WNT8A: variants seen among roughly 807,000 people sequenced by gnomAD.
WNT8A encodes protein Wnt-8a.
In WNT8A, 14 loss-of-function variants were observed where a neutral mutation model predicts 20.5. The observed-to-expected ratio is 0.68, with a 90% CI of 0.45 to 1.07. The LOEUF is 1.07. Ranked by LOEUF, WNT8A falls within the 50% of genes least tolerant of loss-of-function variation. WNT8A has a pLI of 0.00. For missense variants in WNT8A, 397 were observed against 462.9 expected (o/e 0.86, Z 1.31); for synonymous variants, 167 against 169.2 (o/e 0.99, Z 0.10).
chr5:138,079,687 T>C (rs1750453533), upstream of WNT8A, among the ~76,000 whole-genome samples: 1 of 152,228 alleles, frequency 6.6e-6, no homozygotes, highest in Admixed American at 6.5e-5. Flanking sequence ...CAGGCTCATC[T>C]GTCCCTACCA....
At chr5:138,081,448 T>A (rs1750510029), upstream of WNT8A, among the ~76,000 whole-genome samples, 1 of 151,928 alleles carries the variant, frequency 6.6e-6, no homozygotes, top group African/African-American at 2.4e-5. Flanking sequence ...CTAAAACTCT[T>A]TCGAGGTGGC....
At chr5:138,090,104 C>T (rs1032623088) in intron 4 of WNT8A, among the ~76,000 whole-genome samples, 1 of 152,216 alleles carries the variant, frequency 6.6e-6, no homozygotes, top group Non-Finnish European at 1.5e-5. Flanking sequence ...TCATGCCCAG[C>T]CTCAAGACAG....
rs781405898 is a variant in WNT8A at position 138,090,875 on chromosome 5, G to A, written c.912G>A (p.Glu304=). Residue 304 remains glutamate, a synonymous_variant, in exon 5 of 5, where the codon GAG becomes GAA. Coordinates refer to ENST00000506684, the MANE Select transcript of WNT8A (RefSeq NM_001300939.2). The part of the protein sequence containing the change: ...LQNSHNTSRW[E]RRSCGRLCTE... ...ACAGCCACAACACATCCAGGTGGGA[G>A]CGACGTAGCTGTGGGCGCCTGTGCA... 5.6e-6 allele frequency: 9 copies of A among 1,614,234 alleles called. No homozygotes were observed. The highest frequency in any genetic ancestry group is 6.8e-6 in the Non-Finnish European group (8 of 1,180,040).
At chr5:138,091,828 AAAATAAATAAATAAAT>A (rs200860443), downstream of WNT8A, among the ~76,000 whole-genome samples, 499 of 134,976 alleles carry the variant, frequency 3.7e-3, 4 homozygotes, top group African/African-American at 0.012. Flanking sequence ...CCCTGACTAA[AAAATAAATAAATAAAT>A]AAATAAATAA....
upstream of WNT8A, among the ~76,000 whole-genome samples, chr5:138,080,319 CAA>C (rs1213283315): frequency 3.1e-5 from 2 of 65,550 alleles, no homozygotes; most frequent in Non-Finnish European, 6.5e-5. Context: ...GACTCCTTCT[CAA>C]AAAAAAAAAA....
rs747397964 is a variant in WNT8A at position 138,084,226 on chromosome 5, C to T, written c.99C>T (p.Cys33=). 4.5e-5 allele frequency: 73 copies of T among 1,614,084 alleles called. No individual in the cohort carries two copies. Among genetic ancestry groups the T allele is most frequent in the Non-Finnish European group, 5.8e-5 (69 of 1,180,050 alleles). ...GPHCLIPIHL[C]LTFSLFGRSV... is the part of the protein sequence containing the mutation. ...ATTGTCTCATCCCCATTCACCTCTG[C>T]CTCACTTTTTCTCTTTTTGGTAGGT... is the stretch of plus-strand genomic sequence containing the variant. The change falls in exon 1 of 5, where the codon TGC becomes TGT. Residue 33 remains cysteine (C), a synonymous_variant. Coordinates refer to ENST00000506684, the MANE Select transcript of WNT8A (RefSeq NM_001300939.2).
At chr5:138,083,945 T>G (rs1257934204), upstream of WNT8A, 8 of 789,116 alleles carry the variant, frequency 1.0e-5, no homozygotes, top group Non-Finnish European at 1.3e-5. Flanking sequence ...GCCCTGCCAG[T>G]TAGGAACAAA....
chr5:138,084,560 G>A lies in WNT8A; in HGVS notation c.219G>A (p.Lys73=). 1 of 1,613,912 alleles carries A rather than the reference G, an allele frequency of 6.2e-7. No individual in the cohort carries two copies. Among genetic ancestry groups the A allele is most frequent in the African/African-American group, 1.3e-5 (1 of 75,032 alleles). Residue 73 remains lysine, a synonymous_variant, in exon 2 of 5, where the codon AAG becomes AAA. Transcript: ENST00000506684. ...LGAQSGIEEC[K]FQFAWERWNC... is the part of the protein sequence containing the mutation. ...CCCAGAGTGGCATCGAGGAGTGCAAGTTCCAGTTTGCTTGGGAACGCTGGA... is the reference window on the plus strand; with the variant it reads ...CCCAGAGTGGCATCGAGGAGTGCAAATTCCAGTTTGCTTGGGAACGCTGGA...
chr5:138,086,407 A>G (rs1046619487), intron 2 of WNT8A, among the ~76,000 whole-genome samples: 1 of 151,642 alleles, frequency 6.6e-6, no homozygotes. Flanking sequence ...TTGTAGAGAC[A>G]GGGTTTCGTC....
upstream of WNT8A, among the ~76,000 whole-genome samples, chr5:138,081,119 G>T (rs1433949888): frequency 1.3e-5 from 2 of 151,732 alleles, no homozygotes; most frequent in South Asian, 2.1e-4. Flanking sequence ...CCAGCTACTC[G>T]GGAGGCTGAG....
At chr5:138,083,204 C>T (rs772711801), upstream of WNT8A, among the ~76,000 whole-genome samples, 1 of 151,554 alleles carries the variant, frequency 6.6e-6, no homozygotes, top group Non-Finnish European at 1.5e-5. Context: ...TCACTTGAAC[C>T]CAGGAGGCAG....
intron 2 of WNT8A, among the ~76,000 whole-genome samples, chr5:138,085,957 G>C (rs1210251996): frequency 6.6e-6 from 1 of 151,592 alleles, no homozygotes; most frequent in Non-Finnish European, 1.5e-5. Flanking sequence ...GACAATGTTT[G>C]TAAAGAGTTT....
chr5:138,079,673 GTCACAGGC>G (rs1750452920), upstream of WNT8A, among the ~76,000 whole-genome samples: 1 of 152,076 alleles, frequency 6.6e-6, no homozygotes, highest in Non-Finnish European at 1.5e-5. Flanking sequence ...AATCTATCTT[GTCACAGGC>G]TCATCTGTCC....
In WNT8A at chr5:138,084,133, G is replaced by A; in HGVS notation, c.6G>A (p.Leu2=). M[L]CCIQCLCLVS... is the part of the protein sequence containing the mutation. ...CTCTGGGCAGCTCTGGGCATATGCT[G>A]TGCTGCATTCAGTGCCTCTGCCTGG... The change falls in exon 1 of 5, where the codon CTG becomes CTA. Residue 2 remains leucine, a synonymous_variant. Coordinates refer to ENST00000506684, the MANE Select transcript of WNT8A (RefSeq NM_001300939.2). 1.2e-6 allele frequency: 2 copies of A among 1,614,184 alleles called. No individual in the cohort carries two copies. The highest frequency in any genetic ancestry group is 2.2e-5 in the South Asian group (2 of 91,088).
chr5:138,085,912 A>G (rs1369116796), intron 2 of WNT8A, among the ~76,000 whole-genome samples: 4 of 151,888 alleles, frequency 2.6e-5, no homozygotes, highest in African/African-American at 4.8e-5. Flanking sequence ...CATGGGGTAT[A>G]CAGATAGAAT....
At chr5:138,082,449 C>T (rs561217845), upstream of WNT8A, among the ~76,000 whole-genome samples, 1 of 152,274 alleles carries the variant, frequency 6.6e-6, no homozygotes, top group African/African-American at 2.4e-5. Flanking sequence ...CATGGTGGCA[C>T]ATGCCTGTAA....
chr5:138,087,665 A>G (rs1750711803), intron 2 of WNT8A, 141 bp from the exon 3 acceptor site: 2 of 862,700 alleles, frequency 2.3e-6, no homozygotes, highest in Non-Finnish European at 3.3e-6. Context: ...AAAAAAAAAA[A>G]AAAAAAAAAG....
chr5:138,090,718 A>C lies in WNT8A; in HGVS notation c.755A>C (p.His252Pro). Residue 252 changes from histidine (H) to proline (P), a missense_variant, in exon 5 of 5, where the codon CAC becomes CCC. Transcript: ENST00000506684. The part of the protein sequence containing the change: ...QLRAGNSAEG[H>P]WVPAEAFLPS... ...AGAGCTGGGAACAGCGCCGAGGGCC[A>C]CTGGGTGCCCGCTGAGGCCTTCCTT... 3.7e-6 allele frequency: 6 copies of C among 1,614,248 alleles called. No homozygotes were observed. Among genetic ancestry groups the C allele is most frequent in the Middle Eastern group, 3.3e-4 (2 of 6,062 alleles).
chr5:138,080,444 G>GTTTTTTTTTTTTTTTTTTTTTTTTTTTT (rs371833243), upstream of WNT8A, among the ~76,000 whole-genome samples: 10 of 56,000 alleles, frequency 1.8e-4, 1 homozygote, highest in East Asian at 1.1e-3. Flanking sequence ...TGTAAATCTT[G>GTTTTTTTTTTTTTTTTTTTTTTTTTTTT]TTTTTTTTTT....
Sources: allele counts gnomAD v4.1 joint callset (sites outside exome capture counted in the v4.1 genomes callset), GRCh38; gene constraint gnomAD v4.1.1; transcripts MANE v1.5; gene names NCBI Gene and HGNC (gene_info 2026-07-23, HGNC 2026-07-21).